Variants in SNX29 observed in about 807,000 individuals in gnomAD.
SNX29 encodes sorting nexin-29.
A neutral mutation model predicts 102.1 loss-of-function variants in SNX29; 78 were observed. That is an observed-to-expected ratio of 0.76 (90% CI 0.64 to 0.92). The LOEUF (loss-of-function observed/expected upper bound fraction) is 0.92. SNX29 is among the 40% of genes least tolerant of loss of function. SNX29 has a pLI of 0.00. For missense variants in SNX29, 1,280 were observed against 1,061.7 expected, an observed-to-expected ratio of 1.21 and a Z score of -2.86; for synonymous variants, 580 against 414.5, an observed-to-expected ratio of 1.40 and a Z score of -4.85.
At chr16:12,513,501 A>G (rs1442856026) in intron 19 of SNX29, among the ~76,000 whole-genome samples, 1 of 151,834 alleles carries the variant, frequency 6.6e-6, no homozygotes, top group African/African-American at 2.4e-5. Flanking sequence ...CCTTCAGCTA[A>G]AGACTTCATC....
At chr16:12,183,996 A>G (rs1230093201) in intron 13 of SNX29, among the ~76,000 whole-genome samples, 2 of 152,220 alleles carry the variant, frequency 1.3e-5, no homozygotes, top group African/African-American at 4.8e-5. Flanking sequence ...AAAAATAACC[A>G]TGACAATGGG....
chr16:12,494,224 A>G (rs1461622485), intron 19 of SNX29, among the ~76,000 whole-genome samples: 1 of 152,096 alleles, frequency 6.6e-6, no homozygotes, highest in Non-Finnish European at 1.5e-5. Context: ...TTGGAGTAGC[A>G]ACTCTGGCTC....
chr16:12,112,655 C>T (rs983661250), intron 11 of SNX29, among the ~76,000 whole-genome samples: 1 of 152,208 alleles, frequency 6.6e-6, no homozygotes, highest in African/African-American at 2.4e-5. Context: ...TCTGGCAAGA[C>T]AGCTTGTCTG....
chr16:12,234,229 G>A (rs970455412), intron 14 of SNX29, among the ~76,000 whole-genome samples: 5 of 151,958 alleles, frequency 3.3e-5, no homozygotes, highest in Non-Finnish European at 7.4e-5. Flanking sequence ...TTTTTTTATT[G>A]TAGCCATCGA....
chr16:12,546,857 A>C (rs1445725387), intron 20 of SNX29, among the ~76,000 whole-genome samples: 1 of 152,284 alleles, frequency 6.6e-6, no homozygotes, highest in Admixed American at 6.5e-5. Context: ...TACAGTCACC[A>C]GTAAGATCAG....
chr16:12,300,735 G>A (rs1240700914), intron 15 of SNX29, among the ~76,000 whole-genome samples: 1 of 152,186 alleles, frequency 6.6e-6, no homozygotes, highest in East Asian at 1.9e-4. Context: ...ATTGTCTAAA[G>A]TAGGGTTTCT....
intron 13 of SNX29, among the ~76,000 whole-genome samples, chr16:12,196,654 C>G (rs962490336): frequency 7.1e-6 from 1 of 140,510 alleles, no homozygotes; most frequent in Non-Finnish European, 1.5e-5. Context: ...CGGAGTCTCA[C>G]TCTGTTGCGA....
At chr16:12,167,885 C>T (rs903433841) in intron 13 of SNX29, among the ~76,000 whole-genome samples, 5 of 152,198 alleles carry the variant, frequency 3.3e-5, no homozygotes, top group African/African-American at 1.2e-4. Flanking sequence ...TGGCAGCTTG[C>T]ATGTGGCAGC....
chr16:12,047,283 A>G (rs1240116195), intron 6 of SNX29, among the ~76,000 whole-genome samples: 2 of 152,178 alleles, frequency 1.3e-5, no homozygotes, highest in African/African-American at 4.8e-5. Context: ...CAAAGTGTGA[A>G]AGGTGGAATC....
At chr16:12,199,836 G>T (rs1486979113) in intron 14 of SNX29, among the ~76,000 whole-genome samples, 153 bp downstream of exon 14, 3 of 152,190 alleles carry the variant, frequency 2.0e-5, no homozygotes, top group Non-Finnish European at 4.4e-5. Flanking sequence ...TTAATCAGGT[G>T]GAAAACCTGA....
chr16:12,534,461 G>A lies in SNX29; in HGVS notation c.2318+9620G>A, dbSNP rs373059660. Among the ~76,000 whole-genome samples the A allele has an allele frequency of 7.2e-5, 11 of 152,328 alleles. No homozygotes were observed. The South Asian group carries it at 1.7e-3, about 23-fold the overall frequency. The stretch of plus-strand genomic sequence containing the variant: ...CTGTAGAAAGAACGCAGATTAGGGA[G>A]GCTTTGGTTTTTGTTTTCGGGGTTT... On this transcript the variant is annotated intron_variant, in intron 20 of 20. Coordinates refer to ENST00000566228, the MANE Select transcript of SNX29 (RefSeq NM_032167.5).
At chr16:12,376,750 A>AAG (rs1296411147) in intron 16 of SNX29, among the ~76,000 whole-genome samples, 1 of 151,190 alleles carries the variant, frequency 6.6e-6, no homozygotes, top group Non-Finnish European at 1.5e-5. Flanking sequence ...AAAAAAAAAA[A>AAG]AAAAAAAAGA....
intron 11 of SNX29, among the ~76,000 whole-genome samples, chr16:12,101,337 T>C (rs2053006597): frequency 6.9e-6 from 1 of 144,372 alleles, no homozygotes; most frequent in South Asian, 2.2e-4. Context: ...ACCTTTAGCA[T>C]CTCTCTCATT....
At chr16:12,548,307 C>T (rs1464153308) in intron 20 of SNX29, among the ~76,000 whole-genome samples, 5 of 150,724 alleles carry the variant, frequency 3.3e-5, no homozygotes, top group Non-Finnish European at 7.4e-5. Context: ...GTCCCTGGAG[C>T]CCTACTCTCC....
chr16:12,485,369 CT>C (rs1292444204), intron 19 of SNX29, among the ~76,000 whole-genome samples: 2 of 152,180 alleles, frequency 1.3e-5, no homozygotes, highest in Non-Finnish European at 2.9e-5. Flanking sequence ...ACTGTCATTC[CT>C]TCTTAGGATA....
chr16:12,300,205 A>G (rs557786432), intron 15 of SNX29, among the ~76,000 whole-genome samples: 69 of 152,308 alleles, frequency 4.5e-4, no homozygotes, highest in African/African-American at 1.5e-3. Flanking sequence ...GGTTTTGCTA[A>G]TCTGGTAGCC....
At chr16:12,415,963 G>A (rs1330381293) in intron 18 of SNX29, among the ~76,000 whole-genome samples, 1 of 152,324 alleles carries the variant, frequency 6.6e-6, no homozygotes, top group Middle Eastern at 3.4e-3. Context: ...CGTCCTGGGA[G>A]CATTGTTGGA....
intron 18 of SNX29, among the ~76,000 whole-genome samples, chr16:12,449,124 C>A (rs1597415693): frequency 6.6e-6 from 1 of 151,930 alleles, no homozygotes; most frequent in African/African-American, 2.4e-5. Flanking sequence ...GGTGCTCAGT[C>A]TAGTTGGGGT....
At chr16:12,438,508 A>G (rs1188883871) in intron 18 of SNX29, among the ~76,000 whole-genome samples, 1 of 152,130 alleles carries the variant, frequency 6.6e-6, no homozygotes, top group Non-Finnish European at 1.5e-5. Context: ...ACCTCTGTCC[A>G]AGCAGGAAAA....
Sources: allele counts gnomAD v4.1 joint callset (sites outside exome capture counted in the v4.1 genomes callset), GRCh38; gene constraint gnomAD v4.1.1; transcripts MANE v1.5; gene names NCBI Gene and HGNC (gene_info 2026-07-23, HGNC 2026-07-21).